The following ITPR3 variants were observed in gnomAD, a reference collection of about 807,000 sequenced individuals.
ITPR3 encodes inositol 1,4,5-trisphosphate-gated calcium channel ITPR3.
ITPR3 carries 173 observed loss-of-function variants against 293.2 expected under a neutral mutation model. That is an observed-to-expected ratio of 0.59 (90% CI 0.52 to 0.67). The LOEUF (loss-of-function observed/expected upper bound fraction) is 0.67, where lower values mean the gene tolerates loss of function less well. ITPR3 is among the 30% of genes least tolerant of loss of function. The pLI is 0.00. For synonymous variants in ITPR3, 1,295 were observed against 1,444.4 expected, an observed-to-expected ratio of 0.90 and a Z score of 2.35; for missense variants, 2,796 against 3,592.1, an observed-to-expected ratio of 0.78 and a Z score of 5.66.
Position 33,683,118 on chromosome 6 carries a change from T to C in ITPR3, c.4598-89T>C. On this transcript the variant is annotated intron_variant, in intron 34 of 57. Coordinates refer to ENST00000605930, the MANE Select transcript of ITPR3 (RefSeq NM_002224.4). The surrounding 1 kb of genome is among the most constrained non-coding windows in gnomAD (Gnocchi z 4.5). ...CAGACCCTTGGTCTAGTTCACTCTGTCTCCTGGTGTGGCAGCCCTGAGCCT... is the reference window on the plus strand; with the variant it reads ...CAGACCCTTGGTCTAGTTCACTCTGCCTCCTGGTGTGGCAGCCCTGAGCCT... 1.0e-6 allele frequency: 1 copy of C among 998,876 alleles called. No individual in the cohort carries two copies. The allele number at this position is 998,876 out of a possible 1,614,324, so 61.9% of individuals were successfully genotyped here. A position where few individuals can be genotyped will look rare whatever the true frequency, so the allele number is the denominator to read the frequency against.
chr6:33,648,665 C>T (rs1332902881), intron 2 of ITPR3, among the ~76,000 whole-genome samples: 4 of 151,688 alleles, frequency 2.6e-5, no homozygotes, highest in Non-Finnish European at 2.9e-5. Context: ...AATCATGGCT[C>T]ACTGCAGCCT....
Position 33,682,433 on chromosome 6 carries a change from T to C in ITPR3, c.4477-91T>C. 1 of 1,395,894 alleles carries C rather than the reference T, an allele frequency of 7.2e-7. No homozygotes were observed. The highest frequency in any genetic ancestry group is 9.5e-7 in the Non-Finnish European group (1 of 1,053,716). 86.5% of individuals were successfully genotyped at this position (1,395,894 alleles called of 1,614,324 possible). A position where few individuals can be genotyped will look rare whatever the true frequency, so the allele number is the denominator to read the frequency against. ...AGTGAAGGCTCCGTCTCTCCACCCA[T>C]GCCCATTCTGATTGGGCCCTGGTTC... On this transcript the variant is annotated intron_variant, in intron 33 of 57. Coordinates refer to ENST00000605930, the MANE Select transcript of ITPR3 (RefSeq NM_002224.4). This position sits in a 1 kb window ranked among gnomAD's most constrained non-coding sequence, Gnocchi z 5.4.
At chr6:33,693,974 T>G (rs1409866275) in intron 56 of ITPR3, among the ~76,000 whole-genome samples, 1 of 152,190 alleles carries the variant, frequency 6.6e-6, no homozygotes, top group Non-Finnish European at 1.5e-5. Context: ...TCCTCACACT[T>G]CTGGGTGTCA....
At chr6:33,669,984 C>G (rs1764712814) in intron 18 of ITPR3, among the ~76,000 whole-genome samples, 1 of 152,112 alleles carries the variant, frequency 6.6e-6, no homozygotes, top group Non-Finnish European at 1.5e-5. Flanking sequence ...CCCCACCTCC[C>G]CCTCCTCCCT....
chr6:33,692,053 G>A lies in ITPR3; in HGVS notation c.7458+125G>A, dbSNP rs1030909372. 2 of 1,297,848 alleles carry A rather than the reference G, an allele frequency of 1.5e-6. No homozygotes were observed. The highest frequency in any genetic ancestry group is 1.4e-5 in the African/African-American group (1 of 69,270). The allele number at this position is 1,297,848 out of a possible 1,614,324, so 80.4% of individuals were successfully genotyped here. ...GGGTTGAACCCCCTCCCCCGAACTT[G>A]TATCCACTTTTCCCTGCTTTCCACA... On this transcript the variant is annotated intron_variant, in intron 54 of 57. Transcript: ENST00000605930. The surrounding 1 kb of genome is among the most constrained non-coding windows in gnomAD (Gnocchi z 4.2).
Position 33,655,724 on chromosome 6 carries a change from C to T in ITPR3, c.161-42C>T. On this transcript the variant is annotated intron_variant, in intron 2 of 57. Transcript: ENST00000605930. The surrounding 1 kb of genome is among the most constrained non-coding windows in gnomAD (Gnocchi z 4.9). ...TTTCTCCAGGGAGGGCCCTGAGCCC[C>T]AGATGAATCATTCCCCTCACCCCCA... is the stretch of plus-strand genomic sequence containing the variant. 6.2e-7 allele frequency: 1 copy of T among 1,613,008 alleles called. No individual in the cohort carries two copies. The highest frequency in any genetic ancestry group is 8.5e-7 in the Non-Finnish European group (1 of 1,179,400).
Position 33,688,657 on chromosome 6 carries a change from C to T in ITPR3, c.6570C>T (p.Ser2190=), listed in dbSNP as rs1331072631. The T allele has an allele frequency of 1.2e-6, 2 of 1,614,100 alleles. No homozygotes were observed. Among genetic ancestry groups the T allele is most frequent in the Non-Finnish European group, 1.7e-6 (2 of 1,179,994 alleles). The change falls in exon 49 of 58, where the codon AGC becomes AGT. Residue 2190 remains serine, a splice_region_variant and synonymous_variant. Coordinates refer to ENST00000605930, the MANE Select transcript of ITPR3 (RefSeq NM_002224.4). ...GCTCACCGTTGCCCTCCTCTTCAGG[C>T]ATGCCGCTGATCTACTGGTTCTCCC... ...NEMEWQRKLR[S]MPLIYWFSRR... is the part of the protein sequence containing the mutation.
chr6:33,634,064 A>G (rs1236527842), intron 1 of ITPR3, among the ~76,000 whole-genome samples: 1 of 152,050 alleles, frequency 6.6e-6, no homozygotes, highest in East Asian at 1.9e-4. Context: ...TTTCTTGCTT[A>G]TCTGTTAATG....
Position 33,670,347 on chromosome 6 carries a change from C to T in ITPR3, c.2212C>T (p.Arg738Cys), listed in dbSNP as rs780991974. ...CAGGTACCAGCTGAAGCTCTTTGCCCGCATGTGCTTGGACCGCCAGTACTT... is the reference window on the plus strand; with the variant it reads ...CAGGTACCAGCTGAAGCTCTTTGCCTGCATGTGCTTGGACCGCCAGTACTT... ...YYRYQLKLFARMCLDRQYLAI... is the reference protein window; with the variant it reads ...YYRYQLKLFACMCLDRQYLAI... The change falls in exon 19 of 58, where the codon CGC becomes TGC. Residue 738 changes from arginine (R) to cysteine (C), a missense_variant. Physicochemically the swap from Arg to Cys is radical, Grantham distance 180 (BLOSUM62 -3). Around this residue, in one of 8 missense-constraint regions of ITPR3, gnomAD observed 955 missense variants for 1,180.8 expected, o/e 0.81. Transcript: ENST00000605930. This position sits in a 1 kb window ranked among gnomAD's most constrained non-coding sequence, Gnocchi z 6.7. 15 of 1,613,940 alleles carry T rather than the reference C, an allele frequency of 9.3e-6. No homozygotes were observed. Among genetic ancestry groups the T allele is most frequent in the Non-Finnish European group, 1.2e-5 (14 of 1,180,054 alleles).
In ITPR3 at chr6:33,655,794, C is replaced by G. The variant is rs1764292158; in HGVS notation, c.189C>G (p.Asn63Lys). 6.2e-7 allele frequency: 1 copy of G among 1,613,996 alleles called. No homozygotes were observed. The highest frequency in any genetic ancestry group is 8.5e-7 in the Non-Finnish European group (1 of 1,180,026). The change falls in exon 3 of 58, where the codon AAC (asparagine) becomes AAG (lysine). Residue 63 changes from asparagine (N) to lysine (K), a missense_variant. This residue lies in a region of ITPR3 where 53 missense variants were observed against 45.7 expected (regional missense o/e 1.16). Coordinates refer to ENST00000605930, the MANE Select transcript of ITPR3 (RefSeq NM_002224.4). This position sits in a 1 kb window ranked among gnomAD's most constrained non-coding sequence, Gnocchi z 4.9. ...GCCTCTTCAAGGTGTGCCCCATGAA[C>G]CGCTACTCGGCCCAGAAGCAGTACT... ...RDCLFKVCPM[N>K]RYSAQKQYWK...
intron 2 of ITPR3, among the ~76,000 whole-genome samples, chr6:33,648,161 G>A (rs1764111533): frequency 6.6e-6 from 1 of 151,462 alleles, no homozygotes; most frequent in African/African-American, 2.4e-5. Flanking sequence ...GACCTCCCAG[G>A]CTCAAGCCAT....
chr6:33,680,567 C>T lies in ITPR3; in HGVS notation c.4363C>T (p.Arg1455Cys), dbSNP rs760310772. The T allele has an allele frequency of 5.0e-6, 8 of 1,613,738 alleles. No individual in the cohort carries two copies. The highest frequency in any genetic ancestry group is 1.3e-5 in the African/African-American group (1 of 74,922). ...TCTCCTGCCTCAGGTCTGCAGCAAG[C>T]GTGAGAAGCGCGTGGCTGACCCCAC... ...TLDMARVCSK[R>C]EKRVADPTLE... The change falls in exon 33 of 58, where the codon CGT becomes TGT. Residue 1455 changes from arginine (R) to cysteine (C), a missense_variant. This residue lies in a region of ITPR3 where 344 missense variants were observed against 460.3 expected (regional missense o/e 0.75). Coordinates refer to ENST00000605930, the MANE Select transcript of ITPR3 (RefSeq NM_002224.4).
At chr6:33,626,370 T>G (rs1028354265) in intron 1 of ITPR3, among the ~76,000 whole-genome samples, 1 of 152,218 alleles carries the variant, frequency 6.6e-6, no homozygotes, top group Non-Finnish European at 1.5e-5. Context: ...CCAAGTCCCA[T>G]GCCAGACCAA....
intron 21 of ITPR3, 48 bp from the exon 22 acceptor site, chr6:33,671,981 C>T (rs768826657): frequency 2.0e-6 from 3 of 1,532,262 alleles, no homozygotes; most frequent in Non-Finnish European, 8.8e-7. Context: ...CCCCTGTGTA[C>T]AGCCTCTACA....
At chr6:33,659,767 C>T (rs1764410343) in intron 7 of ITPR3, among the ~76,000 whole-genome samples, 1 of 152,210 alleles carries the variant, frequency 6.6e-6, no homozygotes, top group South Asian at 2.1e-4. Context: ...CTCCATTCTC[C>T]CTGGGTCCTG....
chr6:33,666,876 T>TCCCC lies in ITPR3; in HGVS notation c.1552-252_1552-251insCCCC. Among the ~76,000 whole-genome samples the TCCCC allele has an allele frequency of 6.6e-6, 1 of 152,272 alleles. No homozygotes were observed. The highest frequency in any genetic ancestry group is 1.9e-4 in the East Asian group (1 of 5,190). ...CTCTGCTCCTCCCCCAGGCCCCAGA[T>TCCCC]CTGAGCTGGGATTAGAATCCGCATC... On this transcript the variant is annotated intron_variant, in intron 14 of 57. Transcript: ENST00000605930. The surrounding 1 kb of genome is among the most constrained non-coding windows in gnomAD (Gnocchi z 5.1).
At chr6:33,663,595 G>A in intron 10 of ITPR3, 45 bp downstream of exon 10, 3 of 1,595,408 alleles carry the variant, frequency 1.9e-6, no homozygotes, top group Non-Finnish European at 2.6e-6. Flanking sequence ...GGCCTGCCCT[G>A]GGGGTAGGCG....
chr6:33,652,677 G>T (rs1322290849), intron 2 of ITPR3, among the ~76,000 whole-genome samples: 1 of 152,058 alleles, frequency 6.6e-6, no homozygotes, highest in East Asian at 1.9e-4. Context: ...CGTTGGTCAG[G>T]CTGGTCTCGA....
chr6:33,682,716 C>T lies in ITPR3; in HGVS notation c.4597+72C>T. 6.6e-7 allele frequency: 1 copy of T among 1,514,364 alleles called. No individual in the cohort carries two copies. Among genetic ancestry groups the T allele is most frequent in the Non-Finnish European group, 8.8e-7 (1 of 1,138,286 alleles). 93.8% of individuals were successfully genotyped at this position (1,514,364 alleles called of 1,614,324 possible). On this transcript the variant is annotated intron_variant, in intron 34 of 57. Transcript: ENST00000605930. This position sits in a 1 kb window ranked among gnomAD's most constrained non-coding sequence, Gnocchi z 5.4. Reference sequence around the variant, plus strand: ...GCTCACAGTGGGGACGCCTGCCCTCCTAATAAACACTTTATCCCTAAGCTC... The same window carrying T: ...GCTCACAGTGGGGACGCCTGCCCTCTTAATAAACACTTTATCCCTAAGCTC...
Sources: gnomAD v4.1 joint callset for allele counts (sites outside exome capture counted in the v4.1 genomes callset) on GRCh38, gnomAD v4.1.1 for gene constraint, gnomAD v4.1.1 regional missense constraint, Gnocchi (gnomAD v3.1) non-coding constraint, MANE v1.5 for transcripts, NCBI Gene and HGNC (gene_info 2026-07-23, HGNC 2026-07-21) for gene names.